The following DBT variants were observed in gnomAD, a reference collection of about 807,000 sequenced individuals.
DBT encodes the protein dihydrolipoamide branched chain transacylase E2.
DBT carries 40 observed loss-of-function variants against 51.3 expected under a neutral mutation model. The ratio of observed to expected loss-of-function variants is 0.78; its 90% confidence interval spans 0.61 to 1.02. The LOEUF (loss-of-function observed/expected upper bound fraction) is 1.02, where lower values mean the gene tolerates loss of function less well. Ranked by LOEUF, DBT falls within the 50% of genes least tolerant of loss-of-function variation. DBT has a pLI of 0.00. For synonymous variants in DBT, 181 were observed against 190.4 expected, an observed-to-expected ratio of 0.95 and a Z score of 0.41; for missense variants, 510 against 580.2, an observed-to-expected ratio of 0.88 and a Z score of 1.24.
At chr1:100,246,834 T>C (rs751218700) in intron 1 of DBT, among the ~76,000 whole-genome samples, 11 of 151,942 alleles carry the variant, frequency 7.2e-5, no homozygotes, top group Non-Finnish European at 1.3e-4. Context: ...ATGAAGGAAA[T>C]AGAGTGTGTT....
In DBT at chr1:100,241,580, A is replaced by G. The variant is rs868158097; in HGVS notation, c.52-696T>C. On this transcript the variant is annotated intron_variant, in intron 1 of 10. Transcript: ENST00000370132. ...CCAATTAATTTTGTTTATTATTTGT[A>G]GAGACAAGGTCTCAGTATGTTGCCC... is the stretch of plus-strand genomic sequence containing the variant. Among the ~76,000 whole-genome samples, 11 of 152,126 alleles carry G rather than the reference A, an allele frequency of 7.2e-5. 1 individual carries two copies. The Middle Eastern group carries it at 0.02, about 282-fold the overall frequency.
chr1:100,240,537 A>T (rs895949853), intron 2 of DBT, among the ~76,000 whole-genome samples: 1 of 152,032 alleles, frequency 6.6e-6, no homozygotes, highest in Non-Finnish European at 1.5e-5. Flanking sequence ...CTAAAAAAAA[A>T]TTTTTTTTAA....
In DBT at chr1:100,187,555, TCTCA is replaced by T. The variant is rs1660620015; in HGVS notation, c.*8696_*8699del. 2 of 152,356 alleles carry T rather than the reference TCTCA, an allele frequency of 1.3e-5. No individual in the cohort carries two copies. The highest frequency in any genetic ancestry group is 4.1e-4 in the South Asian group (2 of 4,826). The allele number at this position is 152,356 out of a possible 1,614,324, so 9.4% of individuals were successfully genotyped here. A position where few individuals can be genotyped will look rare whatever the true frequency, so the allele number is the denominator to read the frequency against. Reference sequence around the variant, plus strand: ...CTCTTTTTGTTTATTTGAGACAAAGTCTCACTCTGTCACCCAGGCTGGAGTGCAG... The same window carrying T: ...CTCTTTTTGTTTATTTGAGACAAAGTCTCTGTCACCCAGGCTGGAGTGCAG... On this transcript the variant is annotated 3_prime_UTR_variant, in exon 11 of 11. Transcript: ENST00000370132.
rs757477062 is a variant in DBT at position 100,216,021 on chromosome 1, G to A, written c.734C>T (p.Pro245Leu). The A allele has an allele frequency of 2.9e-5, 47 of 1,611,350 alleles. No homozygotes were observed. Among genetic ancestry groups the A allele is most frequent in the East Asian group, 1.1e-4 (5 of 44,814 alleles). The change falls in exon 6 of 11, where the codon CCG (proline) becomes CTG (leucine). Residue 245 changes from proline to leucine, a missense_variant. Physicochemically the swap from Pro to Leu is moderately conservative, Grantham distance 98. Coordinates refer to ENST00000370132, the MANE Select transcript of DBT (RefSeq NM_001918.5). ...MTVPILVSKP[P>L]VFTGKDKTEP... ...TGTTTTGTCTTTGCCTGTGAATACC[G>A]GAGGTTTTGATACTAGTATAGGAAC...
intron 5 of DBT, among the ~76,000 whole-genome samples, chr1:100,217,071 T>C (rs1017848445): frequency 2.0e-5 from 3 of 152,166 alleles, no homozygotes; most frequent in Non-Finnish European, 4.4e-5. Flanking sequence ...TGCCACTGGT[T>C]CTTAATTTTA....
Position 100,195,638 on chromosome 1 carries a change from T to C in DBT, c.*617A>G, listed in dbSNP as rs1436622283. The C allele has an allele frequency of 1.9e-5, 3 of 153,986 alleles. No homozygotes were observed. The highest frequency in any genetic ancestry group is 4.3e-5 in the Non-Finnish European group (3 of 69,278). The allele number at this position is 153,986 out of a possible 1,614,324, so 9.5% of individuals were successfully genotyped here. On this transcript the variant is annotated 3_prime_UTR_variant, in exon 11 of 11. Coordinates refer to ENST00000370132, the MANE Select transcript of DBT (RefSeq NM_001918.5). ...AAATAGGGCATATACTGTCTGTATATGGCTACCTGTCTTTTAGTAACATGA... is the reference window on the plus strand; with the variant it reads ...AAATAGGGCATATACTGTCTGTATACGGCTACCTGTCTTTTAGTAACATGA...
chr1:100,193,246 TC>T lies in DBT; in HGVS notation c.*3008del, dbSNP rs1409031341. On this transcript the variant is annotated 3_prime_UTR_variant, in exon 11 of 11. Coordinates refer to ENST00000370132, the MANE Select transcript of DBT (RefSeq NM_001918.5). The stretch of plus-strand genomic sequence containing the variant: ...ACTTACTTATTTCAGAACTCCCTTC[TC>T]CTGGTTTTTCTATTCTTTAAGTGAG... 6.6e-6 allele frequency: 1 copy of T among 152,264 alleles called. No individual in the cohort carries two copies. 9.4% of individuals were successfully genotyped at this position (152,264 alleles called of 1,614,324 possible).
chr1:100,241,891 T>G (rs981891541), intron 1 of DBT, among the ~76,000 whole-genome samples: 22 of 151,944 alleles, frequency 1.4e-4, no homozygotes, highest in Non-Finnish European at 2.2e-4. Context: ...CTTGGTGGCA[T>G]GCGCCTGTAG....
At chr1:100,203,515 A>G (rs1418280273) in intron 10 of DBT, among the ~76,000 whole-genome samples, 1 of 152,238 alleles carries the variant, frequency 6.6e-6, no homozygotes, top group Non-Finnish European at 1.5e-5. Context: ...AAATTCTACC[A>G]GAGGTACAAA....
chr1:100,215,086 T>C, intron 6 of DBT, 103 bp from the exon 7 acceptor site: 4 of 819,314 alleles, frequency 4.9e-6, no homozygotes, highest in Non-Finnish European at 7.9e-6. Context: ...CTAATGTCTT[T>C]TACTCTCTCA....
rs971713115 is a variant in DBT, at chr1:100,192,707, T to C, written c.*3548A>G. 16 of 152,228 alleles carry C rather than the reference T, an allele frequency of 1.1e-4. No individual in the cohort carries two copies. The highest frequency in any genetic ancestry group is 3.9e-4 in the African/African-American group (16 of 41,450). 9.4% of individuals were successfully genotyped at this position (152,228 alleles called of 1,614,324 possible). On this transcript the variant is annotated 3_prime_UTR_variant, in exon 11 of 11. Transcript: ENST00000370132. ...AAGGTACATTTTGATCTCTAAAATA[T>C]AAATTCATACCAATTTTAGCTTCCA...
intron 4 of DBT, among the ~76,000 whole-genome samples, 193 bp from the exon 5 acceptor site, chr1:100,218,940 G>T (rs1330302015): frequency 1.3e-5 from 2 of 151,414 alleles, no homozygotes; most frequent in Admixed American, 6.6e-5. Flanking sequence ...AGTGGGGGGG[G>T]GGGTGTGTGC....
At chr1:100,226,972 C>T (rs574685093) in intron 4 of DBT, among the ~76,000 whole-genome samples, 1 of 152,266 alleles carries the variant, frequency 6.6e-6, no homozygotes, top group African/African-American at 2.4e-5. Context: ...GGTGATTTCA[C>T]AATTATCCAA....
chr1:100,199,564 C>T (rs978662337), intron 10 of DBT, among the ~76,000 whole-genome samples: 17 of 152,190 alleles, frequency 1.1e-4, no homozygotes, highest in African/African-American at 3.9e-4. Flanking sequence ...AAGTGCCGGC[C>T]TAGCTCTTAG....
chr1:100,247,085 T>G (rs542019665), intron 1 of DBT, among the ~76,000 whole-genome samples: 33 of 152,184 alleles, frequency 2.2e-4, no homozygotes, highest in African/African-American at 7.5e-4. Flanking sequence ...GGTGGGGAAG[T>G]GTCAGAGTTG....
chr1:100,240,952 A>G, intron 1 of DBT, 68 bp from the exon 2 acceptor site: 1 of 1,434,960 alleles, frequency 7.0e-7, no homozygotes, highest in Non-Finnish European at 9.8e-7. Flanking sequence ...CTAAGTATAA[A>G]TTGAATTTCA....
At chr1:100,236,523 C>T (rs1009244375) in intron 2 of DBT, among the ~76,000 whole-genome samples, 4 of 152,072 alleles carry the variant, frequency 2.6e-5, no homozygotes, top group Non-Finnish European at 5.9e-5. Flanking sequence ...ATACAAAATA[C>T]ATTTTGGTTA....
chr1:100,238,899 G>A (rs1664054346), intron 2 of DBT, among the ~76,000 whole-genome samples: 1 of 151,644 alleles, frequency 6.6e-6, no homozygotes, highest in Non-Finnish European at 1.5e-5. Flanking sequence ...AGAAGAGAGG[G>A]CAAAGGATGG....
intron 10 of DBT, among the ~76,000 whole-genome samples, chr1:100,201,270 T>C (rs1249952017): frequency 2.6e-5 from 4 of 151,886 alleles, no homozygotes; most frequent in African/African-American, 7.3e-5. Context: ...CAAGTATCAA[T>C]AGCTGAATCG....
Sources: allele counts gnomAD v4.1 joint callset (sites outside exome capture counted in the v4.1 genomes callset), GRCh38; gene constraint gnomAD v4.1.1; transcripts MANE v1.5; gene names NCBI Gene and HGNC (gene_info 2026-07-23, HGNC 2026-07-21).